The following MAU2 variants were observed in gnomAD, a reference collection of about 807,000 sequenced individuals.
The protein encoded by MAU2 is MAU2 chromatid cohesion factor homolog.
MAU2 carries 9 observed loss-of-function variants against 89.1 expected under a neutral mutation model. The ratio of observed to expected loss-of-function variants is 0.10; its 90% CI spans 0.06 to 0.18. The LOEUF (loss-of-function observed/expected upper bound fraction) is 0.18, where lower values mean the gene tolerates loss of function less well. Ranked by LOEUF, MAU2 falls within the 10% of genes least tolerant of loss-of-function variation. The pLI, the probability that MAU2 is intolerant of heterozygous loss-of-function variation, is 1.00. For missense variants in MAU2, 425 were observed against 803.5 expected (o/e 0.53, Z 5.69); for synonymous variants, 357 against 343.4 (o/e 1.04, Z -0.44).
intron 8 of MAU2, 29 bp downstream of exon 8, chr19:19,342,710 G>A: frequency 6.2e-7 from 1 of 1,612,164 alleles, no homozygotes; most frequent in Non-Finnish European, 8.5e-7. Context: ...CCGGGCCAGG[G>A]CTGGGGGCGG....
chr19:19,326,721 CAT>C lies in MAU2; in HGVS notation c.276+5600_276+5601del, dbSNP rs35247410. On this transcript the variant is annotated intron_variant, in intron 1 of 18. Coordinates refer to ENST00000262815, the MANE Select transcript of MAU2 (RefSeq NM_015329.4). ...ATATATGTATATATATATATATATA[CAT>C]ATATATATATATACACAAAAATTAA... Among the ~76,000 whole-genome samples the C allele has an allele frequency of 3.0e-3, 239 of 80,970 alleles. 8 individuals are homozygous for C. Among genetic ancestry groups the C allele is most frequent in the African/African-American group, 9.5e-3 (231 of 24,310 alleles). 53.1% of individuals were successfully genotyped at this position (80,970 alleles called of 152,430 possible).
intron 14 of MAU2, 87 bp from the exon 15 acceptor site, chr19:19,349,068 C>T: frequency 1.3e-6 from 2 of 1,557,256 alleles, no homozygotes; most frequent in East Asian, 2.3e-5. Context: ...TGGGGGCTCT[C>T]AGAAATAGCC....
chr19:19,325,758 C>T (rs34351431), intron 1 of MAU2, among the ~76,000 whole-genome samples: 7,604 of 152,230 alleles, frequency 0.05, 257 homozygotes, highest in East Asian at 0.12. Context: ...GGATTACAGG[C>T]ATGCCACCAC....
chr19:19,322,922 C>G (rs1358413124), intron 1 of MAU2, among the ~76,000 whole-genome samples: 1 of 152,020 alleles, frequency 6.6e-6, no homozygotes, highest in African/African-American at 2.4e-5. Flanking sequence ...CGGAGTTTCG[C>G]TCTTGTTGCC....
At chr19:19,343,106 C>G (rs762596237) in intron 9 of MAU2, among the ~76,000 whole-genome samples, 1 of 152,210 alleles carries the variant, frequency 6.6e-6, no homozygotes, top group Non-Finnish European at 1.5e-5. Context: ...CAGTCATGCT[C>G]AGTTGAAACA....
intron 1 of MAU2, chr19:19,334,691 C>CACTCATGCG: frequency 1.3e-6 from 1 of 785,928 alleles, no homozygotes; most frequent in Non-Finnish European, 1.5e-6. Flanking sequence ...CCGCTGTTGC[C>CACTCATGCG]GCATGAGTGG....
At chr19:19,349,070 G>A in intron 14 of MAU2, 85 bp from the exon 15 acceptor site, 1 of 1,562,068 alleles carries the variant, frequency 6.4e-7, no homozygotes, top group Non-Finnish European at 8.8e-7. Context: ...GGGGCTCTCA[G>A]AAATAGCCCC....
At chr19:19,329,830 C>T (rs1260636728) in intron 1 of MAU2, among the ~76,000 whole-genome samples, 1 of 151,692 alleles carries the variant, frequency 6.6e-6, no homozygotes, top group Non-Finnish European at 1.5e-5. Flanking sequence ...GCCACACATG[C>T]CTATAGTCCC....
chr19:19,350,940 TC>T (rs1295737683), intron 16 of MAU2, among the ~76,000 whole-genome samples: 1 of 151,248 alleles, frequency 6.6e-6, no homozygotes, highest in Non-Finnish European at 1.5e-5. Context: ...GCACAGTGGC[TC>T]ATTGCTTGTA....
intron 4 of MAU2, 57 bp from the exon 5 acceptor site, chr19:19,338,788 G>C (rs1321770051): frequency 1.9e-5 from 25 of 1,319,600 alleles, no homozygotes; most frequent in Non-Finnish European, 2.6e-5. Flanking sequence ...CACGAAGGCA[G>C]GTACCGTAAA....
chr19:19,321,076 T>G lies in MAU2; in HGVS notation c.217T>G (p.Ser73Ala). 6.2e-7 allele frequency: 1 copy of G among 1,611,800 alleles called. No individual in the cohort carries two copies. The highest frequency in any genetic ancestry group is 1.1e-5 in the South Asian group (1 of 90,480). Residue 73 changes from serine to alanine, a missense_variant, in exon 1 of 19, where the codon TCC (serine) becomes GCC (alanine). Coordinates refer to ENST00000262815, the MANE Select transcript of MAU2 (RefSeq NM_015329.4). The stretch of plus-strand genomic sequence containing the variant: ...GGCCCGTACACACCTGCAGCTGGGC[T>G]CCGTTCTCTATCACCACACCAAGAA... Reference protein sequence around the residue: ...IEARTHLQLGSVLYHHTKNSE... With the variant: ...IEARTHLQLGAVLYHHTKNSE...
chr19:19,341,525 C>T, intron 7 of MAU2, 118 bp downstream of exon 7: 1 of 1,238,960 alleles, frequency 8.1e-7, no homozygotes, highest in Non-Finnish European at 1.1e-6. Flanking sequence ...TGCCACACAA[C>T]AGGGCTGTCA....
At chr19:19,335,505 C>G (rs2061588939) in intron 1 of MAU2, among the ~76,000 whole-genome samples, 1 of 152,134 alleles carries the variant, frequency 6.6e-6, no homozygotes, top group South Asian at 2.1e-4. Flanking sequence ...CCCCTCCTGC[C>G]CAGGCACCCA....
Position 19,340,183 on chromosome 19 carries a change from AT to A in MAU2, c.552-661del, listed in dbSNP as rs59389192. 1.4e-3 allele frequency among the ~76,000 whole-genome samples: 201 copies of A among 145,640 alleles called. 14 individuals are homozygous for A. Among genetic ancestry groups the A allele is most frequent in the Admixed American group, 1.9e-3 (28 of 14,568 alleles). On this transcript the variant is annotated intron_variant, in intron 5 of 18. Coordinates refer to ENST00000262815, the MANE Select transcript of MAU2 (RefSeq NM_015329.4). ...CCATCTCAAAAAAAAAAAAAAAAAA[AT>A]TAACCAGGCATGGTGCCAGGTGCCT...
chr19:19,342,651 C>T lies in MAU2; in HGVS notation c.852C>T (p.Pro284=). ...SNPADLFHWL[P]KEHMCVLVYL... ...CCGCTGACCTCTTCCACTGGCTGCC[C>T]AAGGAGCACATGTGTGTGCTTGTCT... The change falls in exon 8 of 19, where the codon CCC becomes CCT. Residue 284 remains proline, a synonymous_variant. Coordinates refer to ENST00000262815, the MANE Select transcript of MAU2 (RefSeq NM_015329.4). 6.2e-7 allele frequency: 1 copy of T among 1,613,218 alleles called. No homozygotes were observed. Among genetic ancestry groups the T allele is most frequent in the Non-Finnish European group, 8.5e-7 (1 of 1,179,558 alleles).
intron 16 of MAU2, among the ~76,000 whole-genome samples, chr19:19,350,414 G>A (rs1429084418): frequency 1.3e-5 from 2 of 150,742 alleles, no homozygotes; most frequent in East Asian, 4.0e-4. Flanking sequence ...GACCAGCCTG[G>A]TCAACATGGT....
chr19:19,329,202 C>A, intron 1 of MAU2: 1 of 443,488 alleles, frequency 2.3e-6, no homozygotes, highest in Non-Finnish European at 4.5e-6. Context: ...CTGTGTCCTG[C>A]TAAATTCCGT....
rs184440942 is a variant in MAU2 at position 19,348,988 on chromosome 19, C to T, written c.1358+50C>T. 3.7e-6 allele frequency: 6 copies of T among 1,601,446 alleles called. No individual in the cohort carries two copies. In the African/African-American group the frequency reaches 5.3e-5, roughly 14 times the overall value. On this transcript the variant is annotated intron_variant, in intron 14 of 18. Transcript: ENST00000262815. ...ACGCACGGCCTAGGCTCCCCGTGCT[C>T]TTTGGTTGGGGCCCCTGACTGCCCC...
chr19:19,332,248 A>C (rs2061561061), intron 1 of MAU2, among the ~76,000 whole-genome samples: 1 of 150,736 alleles, frequency 6.6e-6, no homozygotes, highest in Non-Finnish European at 1.5e-5. Context: ...GCAGCCCCAA[A>C]CTCCTGGGCT....
Sources: gnomAD v4.1 joint callset for allele counts (sites outside exome capture counted in the v4.1 genomes callset) on GRCh38, gnomAD v4.1.1 for gene constraint, MANE v1.5 for transcripts, NCBI Gene and HGNC (gene_info 2026-07-23, HGNC 2026-07-21) for gene names.